The following MAP3K13 variants were observed in gnomAD, a reference collection of about 807,000 sequenced individuals.
The protein encoded by MAP3K13 is mitogen-activated protein kinase kinase kinase 13, also known as leucine zipper-bearing kinase.
Under a neutral mutation model 104.0 loss-of-function variants are expected in MAP3K13, and 52 were observed. The observed-to-expected ratio is 0.50, with a 90% CI of 0.40 to 0.63. The LOEUF is 0.63. MAP3K13 is among the 20% of genes least tolerant of loss of function. The probability of loss-of-function intolerance (pLI) is 0.00; values close to 1 mark genes in which losing one functional copy is unlikely to be tolerated. For synonymous variants in MAP3K13, 394 were observed against 442.2 expected (o/e 0.89, Z 1.37); for missense variants, 914 against 1,218.5 (o/e 0.75, Z 3.72).
At position 185,486,654 on chromosome 3, in the gene MAP3K13, AG is replaced by A. The variant is rs1488694452; in HGVS notation, c.*4199del. On this transcript the variant is annotated 3_prime_UTR_variant, in exon 14 of 14. Transcript: ENST00000265026. ...ATTTCAAGCTGCTTCATTGATGGAA[AG>A]TTTCACCATCTTGGGATGAATGTCC... 2 of 152,232 alleles carry A rather than the reference AG, an allele frequency of 1.3e-5. No homozygotes were observed. The highest frequency in any genetic ancestry group is 2.9e-5 in the Non-Finnish European group (2 of 68,038). The allele number at this position is 152,232 out of a possible 1,614,324, so 9.4% of individuals were successfully genotyped here.
chr3:185,287,645 T>C (rs930200894), intron 2 of MAP3K13, among the ~76,000 whole-genome samples: 3 of 152,170 alleles, frequency 2.0e-5, no homozygotes, highest in Non-Finnish European at 4.4e-5. Flanking sequence ...GAAACTTGCT[T>C]GAGAATAGGC....
intron 2 of MAP3K13, among the ~76,000 whole-genome samples, chr3:185,325,499 G>A (rs547505304): frequency 5.3e-5 from 8 of 152,252 alleles, no homozygotes; most frequent in Admixed American, 2.0e-4. Context: ...CACGTGTGTC[G>A]CTTTGCATCC....
intron 2 of MAP3K13, among the ~76,000 whole-genome samples, chr3:185,337,383 C>G (rs1355394353): frequency 6.6e-6 from 1 of 152,190 alleles, no homozygotes; most frequent in Non-Finnish European, 1.5e-5. Flanking sequence ...AGTACAGCAG[C>G]CTTTTCTCTA....
intron 1 of MAP3K13, among the ~76,000 whole-genome samples, chr3:185,411,985 C>T (rs750223383): frequency 2.6e-5 from 4 of 151,992 alleles, no homozygotes; most frequent in South Asian, 2.1e-4. Context: ...GGTTTCACCA[C>T]GTTGGCCAGG....
chr3:185,285,665 A>C (rs1245931719), intron 2 of MAP3K13: 2 of 1,530,428 alleles, frequency 1.3e-6, no homozygotes, highest in Admixed American at 3.9e-5. Context: ...ACTGTGTTTT[A>C]TGTTTGGTGA....
intron 1 of MAP3K13, among the ~76,000 whole-genome samples, chr3:185,395,173 A>C (rs193291014): frequency 3.2e-4 from 49 of 152,066 alleles, no homozygotes; most frequent in Admixed American, 3.9e-4. Context: ...TGAGTTTCAA[A>C]TACTTTGCTT....
At chr3:185,443,657 T>C in intron 4 of MAP3K13, 21 bp downstream of exon 4, 1 of 1,600,538 alleles carries the variant, frequency 6.2e-7, no homozygotes, top group Non-Finnish European at 8.5e-7. Flanking sequence ...GGGCTAATGT[T>C]TCAGCTATTT....
At position 185,325,993 on chromosome 3, in the gene MAP3K13, G is replaced by A. The variant is rs189887030; in HGVS notation, c.-86+40350G>A. ...GCTTGGTTCCTTCGCTTGAAACACT[G>A]TTTCTTCCCCTCACTCCTCAGTTCA... is the stretch of plus-strand genomic sequence containing the variant. On this transcript the variant is annotated intron_variant, in intron 2 of 14. Transcript: ENST00000424227. Among the ~76,000 whole-genome samples the A allele has an allele frequency of 7.2e-5, 11 of 152,178 alleles. No homozygotes were observed. In the East Asian group the frequency reaches 2.1e-3, roughly 29 times the overall value.
At position 185,473,276 on chromosome 3, in the gene MAP3K13, T is replaced by C. The variant is rs143472404; in HGVS notation, c.1945T>C (p.Ser649Pro). Reference protein sequence around the residue: ...QQYQQPPPAMSQSHHPRLNMH... With the variant: ...QQYQQPPPAMPQSHHPRLNMH... The stretch of plus-strand genomic sequence containing the variant: ...ATACCAGCAGCCCCCTCCTGCCATG[T>C]CCCAGAGTCACCATCCCAGACTCAA... Residue 649 changes from serine (S) to proline (P), a missense_variant, in exon 11 of 14, where the codon TCC becomes CCC. This residue lies in a region of MAP3K13 where 583 missense variants were observed against 737.4 expected (regional missense o/e 0.79). Transcript: ENST00000265026. The surrounding 1 kb of genome is among the most constrained non-coding windows in gnomAD (Gnocchi z 4.9). The C allele has an allele frequency of 7.4e-5, 119 of 1,614,074 alleles. No homozygotes were observed. Among genetic ancestry groups the C allele is most frequent in the Non-Finnish European group, 9.6e-5 (113 of 1,180,046 alleles).
intron 2 of MAP3K13, among the ~76,000 whole-genome samples, chr3:185,323,780 C>G (rs145531854): frequency 4.2e-4 from 64 of 152,216 alleles, no homozygotes; most frequent in African/African-American, 1.4e-3. Context: ...TTAGTTATTG[C>G]TGGGTGAAAG....
intron 2 of MAP3K13, among the ~76,000 whole-genome samples, chr3:185,331,647 C>T (rs895472056): frequency 2.0e-5 from 3 of 152,040 alleles, no homozygotes; most frequent in Admixed American, 2.0e-4. Flanking sequence ...CAACTGGTGT[C>T]ATTAAAATTT....
chr3:185,409,744 T>C (rs1053527815), intron 1 of MAP3K13, among the ~76,000 whole-genome samples: 3 of 152,140 alleles, frequency 2.0e-5, no homozygotes, highest in Admixed American at 1.3e-4. Flanking sequence ...TGTCCGACAA[T>C]AGAAGAATGG....
chr3:185,477,101 T>C, intron 11 of MAP3K13: 1 of 648,906 alleles, frequency 1.5e-6, no homozygotes, highest in Non-Finnish European at 2.9e-6. Context: ...TTCACTCAGT[T>C]CTACACGTCT....
At chr3:185,452,454 C>G (rs1452515394) in intron 7 of MAP3K13, among the ~76,000 whole-genome samples, 3 of 152,148 alleles carry the variant, frequency 2.0e-5, no homozygotes, top group Non-Finnish European at 2.9e-5. Flanking sequence ...CCAGGCTGGT[C>G]TCAAACTCCT....
At chr3:185,323,310 G>A (rs996118437) in intron 2 of MAP3K13, among the ~76,000 whole-genome samples, 15 of 148,712 alleles carry the variant, frequency 1.0e-4, no homozygotes, top group Admixed American at 4.0e-4. Context: ...CTAATCCAGC[G>A]TACCACATTA....
chr3:185,459,831 C>T (rs183325760), intron 7 of MAP3K13, among the ~76,000 whole-genome samples: 87 of 152,272 alleles, frequency 5.7e-4, no homozygotes, highest in African/African-American at 2.0e-3. Flanking sequence ...CTATCTGTTT[C>T]CAAAAATTTT....
rs73054853 is a variant in MAP3K13, at chr3:185,463,987, T to C, written c.1388+328T>C. 3.2e-3 allele frequency among the ~76,000 whole-genome samples: 487 copies of C among 152,282 alleles called. 2 individuals carry two copies. The highest frequency in any genetic ancestry group is 0.011 in the African/African-American group (442 of 41,550). On this transcript the variant is annotated intron_variant, in intron 8 of 13. Transcript: ENST00000265026. Reference sequence around the variant, plus strand: ...CCCTGGCTTCAAGATGCTTATAATCTATTAAGAGATATAAGGCCAGGTGCA... The same window carrying C: ...CCCTGGCTTCAAGATGCTTATAATCCATTAAGAGATATAAGGCCAGGTGCA...
At chr3:185,442,982 G>A (rs1417152909) in intron 3 of MAP3K13, among the ~76,000 whole-genome samples, 1 of 151,976 alleles carries the variant, frequency 6.6e-6, no homozygotes, top group Non-Finnish European at 1.5e-5. Flanking sequence ...GGGACTACAG[G>A]CGCGCGCCAC....
Position 185,482,912 on chromosome 3 carries a change from G to C in MAP3K13, c.*456G>C, listed in dbSNP as rs375027596. ...TGTGGGGCCGGGAGGTATTATTGCT[G>C]CTTGAACAGGGGACCAGGTCTTTTG... On this transcript the variant is annotated 3_prime_UTR_variant, in exon 14 of 14. Transcript: ENST00000265026. The surrounding 1 kb of genome is among the most constrained non-coding windows in gnomAD (Gnocchi z 4.5). The C allele has an allele frequency of 1.3e-4, 30 of 233,806 alleles. No homozygotes were observed. The highest frequency in any genetic ancestry group is 6.1e-4 in the East Asian group (10 of 16,404). The allele number at this position is 233,806 out of a possible 1,614,324, so 14.5% of individuals were successfully genotyped here.
Sources: allele counts gnomAD v4.1 joint callset (sites outside exome capture counted in the v4.1 genomes callset), GRCh38; gene constraint gnomAD v4.1.1; regional missense constraint gnomAD v4.1.1; non-coding constraint Gnocchi (gnomAD v3.1); transcripts MANE v1.5; gene names NCBI Gene and HGNC (gene_info 2026-07-23, HGNC 2026-07-21).